DMD: variants seen among roughly 807,000 people sequenced by gnomAD.
The protein encoded by DMD is dystrophin, also known as mutant dystrophin.
Under a neutral mutation model 330.1 loss-of-function variants are expected in DMD, and 63 were observed. The observed-to-expected ratio is 0.19, with a 90% CI of 0.16 to 0.24. The LOEUF (loss-of-function observed/expected upper bound fraction) is 0.24. Ranked by LOEUF, DMD falls within the 10% of genes least tolerant of loss-of-function variation. DMD has a pLI of 1.00. For synonymous variants in DMD, 1,223 were observed against 959.8 expected, an observed-to-expected ratio of 1.27 and a Z score of -5.07; for missense variants, 3,344 against 2,684.1, an observed-to-expected ratio of 1.25 and a Z score of -5.43.
At chrX:31,780,729 C>A (rs896007926) in intron 50 of DMD, among the ~76,000 whole-genome samples, 2 of 111,971 alleles carry the variant, frequency 1.8e-5, no homozygotes, top group Non-Finnish European at 3.8e-5. Context: ...TTACAGTCTG[C>A]ACATACAAGT....
chrX:31,155,712 G>T (rs1194112231), intron 74 of DMD, among the ~76,000 whole-genome samples: 2 of 111,596 alleles, frequency 1.8e-5, no homozygotes, highest in African/African-American at 6.5e-5. Flanking sequence ...CAGTGCAATG[G>T]CTCACACCTG....
chrX:31,321,057 A>G, intron 62 of DMD, among the ~76,000 whole-genome samples: 1 of 111,720 alleles, frequency 9.0e-6, no homozygotes, highest in Non-Finnish European at 1.9e-5. Flanking sequence ...TTGATAGGGC[A>G]TATCTAAAGC....
chrX:32,730,956 G>A (rs2067529762), intron 7 of DMD, among the ~76,000 whole-genome samples: 1 of 111,853 alleles, frequency 8.9e-6, no homozygotes, highest in African/African-American at 3.3e-5. Context: ...CCCAGAGTGA[G>A]CGACGCAGAA....
intron 1 of DMD, among the ~76,000 whole-genome samples, chrX:33,139,968 A>C (rs1349120216): frequency 9.3e-6 from 1 of 107,237 alleles, no homozygotes; most frequent in Non-Finnish European, 1.9e-5. Context: ...TTGGACTCCC[A>C]GCTTCTTCCT....
At chrX:33,207,619 AAAT>A (rs1032748036) in intron 1 of DMD, among the ~76,000 whole-genome samples, 12 of 111,153 alleles carry the variant, frequency 1.1e-4, no homozygotes, top group African/African-American at 3.9e-4. Context: ...AAACTTGGTA[AAAT>A]AATAAATTAT....
rs750405514 is a variant in DMD, at chrX:33,072,397, G to A, written c.32-52197C>T. 1.2e-3 allele frequency among the ~76,000 whole-genome samples: 139 copies of A among 111,936 alleles called. 2 individuals are homozygous for A. Among genetic ancestry groups the A allele is most frequent in the Non-Finnish European group, 1.6e-3 (87 of 53,218 alleles). ...CGCACCACTGCACTCCAGCCTGGGCGATAAGAGTGAAACTCTGTTTCAAAA... is the reference window on the plus strand; with the variant it reads ...CGCACCACTGCACTCCAGCCTGGGCAATAAGAGTGAAACTCTGTTTCAAAA... On this transcript the variant is annotated intron_variant, in intron 1 of 78. Coordinates refer to ENST00000357033, the MANE Select transcript of DMD (RefSeq NM_004006.3).
At chrX:33,014,992 A>G in intron 2 of DMD, among the ~76,000 whole-genome samples, 1 of 111,549 alleles carries the variant, frequency 9.0e-6, no homozygotes, top group Admixed American at 9.6e-5. Flanking sequence ...GAGTAGTGTG[A>G]AGAAGCCTGC....
intron 2 of DMD, among the ~76,000 whole-genome samples, chrX:32,887,302 C>A (rs1030621026): frequency 9.2e-6 from 1 of 108,802 alleles, no homozygotes; most frequent in Non-Finnish European, 1.9e-5. Context: ...AGCCGAGATC[C>A]CATCACTGCA....
chrX:31,372,911 T>A (rs1242466177), intron 60 of DMD, among the ~76,000 whole-genome samples: 1 of 111,727 alleles, frequency 9.0e-6, no homozygotes, highest in Admixed American at 9.5e-5. Flanking sequence ...CATGATTGTA[T>A]ATCTAGAAAA....
chrX:32,416,214 C>T (rs1347961476), intron 29 of DMD, among the ~76,000 whole-genome samples: 2 of 112,047 alleles, frequency 1.8e-5, no homozygotes, highest in African/African-American at 6.5e-5. Context: ...ACAAAAAACA[C>T]ATTCATTAAA....
At chrX:32,283,307 G>A (rs1219740633) in intron 43 of DMD, among the ~76,000 whole-genome samples, 1 of 111,799 alleles carries the variant, frequency 8.9e-6, no homozygotes, top group Non-Finnish European at 1.9e-5. Flanking sequence ...GGTGATTTGT[G>A]TCACAGCATT....
intron 44 of DMD, among the ~76,000 whole-genome samples, chrX:32,044,874 C>T (rs1451098932): frequency 8.9e-6 from 1 of 111,973 alleles, no homozygotes; most frequent in Admixed American, 9.5e-5. Context: ...GTGATTTGGA[C>T]AGGATGTTTC....
chrX:31,657,957 C>A, intron 54 of DMD, 33 bp downstream of exon 54: 1 of 1,188,847 alleles, frequency 8.4e-7, no homozygotes, highest in Non-Finnish European at 1.1e-6. Flanking sequence ...TTATTACAGC[C>A]AACAGTAGTT....
chrX:33,098,435 T>G (rs907128875), intron 1 of DMD, among the ~76,000 whole-genome samples: 1 of 111,552 alleles, frequency 9.0e-6, no homozygotes, highest in Non-Finnish European at 1.9e-5. Flanking sequence ...TGAATGGGTC[T>G]GCTGTCATTG....
chrX:32,661,457 G>A (rs773031611), intron 9 of DMD, among the ~76,000 whole-genome samples: 23 of 111,435 alleles, frequency 2.1e-4, no homozygotes, highest in African/African-American at 6.8e-4. Context: ...AAGCAGAGAT[G>A]GGAACTGAAT....
intron 55 of DMD, among the ~76,000 whole-genome samples, chrX:31,549,156 G>C (rs891990184): frequency 3.6e-5 from 4 of 110,779 alleles, no homozygotes. Context: ...GAGACAAAGA[G>C]AGCAAATAGT....
chrX:32,793,625 C>T (rs1240163938), intron 7 of DMD, among the ~76,000 whole-genome samples: 1 of 111,008 alleles, frequency 9.0e-6, no homozygotes, highest in African/African-American at 3.3e-5. Context: ...AGAGACTATA[C>T]TGAACAACTA....
chrX:32,614,436 A>G lies in DMD; in HGVS notation c.1349T>C (p.Met450Thr). 8.3e-7 allele frequency: 1 copy of G among 1,207,247 alleles called. No homozygotes were observed. Among genetic ancestry groups the G allele is most frequent in the Non-Finnish European group, 1.1e-6 (1 of 892,582 alleles). Residue 450 changes from methionine (M) to threonine (T), a missense_variant, in exon 12 of 79, where the codon ATG becomes ACG. Physicochemically the swap from Met to Thr is moderately conservative, Grantham distance 81 (BLOSUM62 -1). Transcript: ENST00000357033. Reference protein sequence around the residue: ...EKQSNLHRVLMDLQNQKLKEL... With the variant: ...EKQSNLHRVLTDLQNQKLKEL... ...TTTCAGTTTCTGATTCTGGAGATCC[A>G]TTAAAACTCTATGTAAACTGAAAAT...
intron 50 of DMD, among the ~76,000 whole-genome samples, chrX:31,784,636 T>C (rs970322375): frequency 9.0e-6 from 1 of 111,554 alleles, no homozygotes; most frequent in South Asian, 3.8e-4. Context: ...CTTCAAATTT[T>C]GAATTTTGAT....
Sources: allele counts gnomAD v4.1 joint callset (sites outside exome capture counted in the v4.1 genomes callset), GRCh38; gene constraint gnomAD v4.1.1; transcripts MANE v1.5; gene names NCBI Gene and HGNC (gene_info 2026-07-23, HGNC 2026-07-21).